PARG: variants seen among roughly 807,000 people sequenced by gnomAD.
PARG encodes the protein mitochondrial poly(ADP-ribose) glycohydrolase.
A neutral mutation model predicts 113.0 loss-of-function variants in PARG; 35 were observed. The observed-to-expected ratio is 0.31, with a 90% CI of 0.24 to 0.41. PARG has a LOEUF of 0.41. PARG is among the 10% of genes least tolerant of loss of function. The pLI, the probability that PARG is intolerant of heterozygous loss-of-function variation, is 1.00. For synonymous variants in PARG, 330 were observed against 409.9 expected, an observed-to-expected ratio of 0.81 and a Z score of 2.36; for missense variants, 797 against 1,169.4, an observed-to-expected ratio of 0.68 and a Z score of 4.64.
At chr10:49,922,203 GCCTT>G in intron 6 of PARG, 129 bp downstream of exon 6, 1 of 844,848 alleles carries the variant, frequency 1.2e-6, no homozygotes, top group Non-Finnish European at 1.8e-6. Context: ...TCTCTAAGGG[GCCTT>G]CCTTAGTGCC....
At chr10:49,908,826 A>G (rs1427812906) in intron 7 of PARG, among the ~76,000 whole-genome samples, 4 of 152,186 alleles carry the variant, frequency 2.6e-5, no homozygotes, top group Non-Finnish European at 5.9e-5. Context: ...GAAGGAGGCC[A>G]CATTCCTTCA....
intron 7 of PARG, among the ~76,000 whole-genome samples, chr10:49,895,816 T>C (rs1423628340): frequency 1.3e-5 from 2 of 152,250 alleles, no homozygotes; most frequent in African/African-American, 4.8e-5. Flanking sequence ...GTCTTCAAGA[T>C]ACTGGTCTTA....
At chr10:49,843,993 A>T (rs1412597984) in intron 13 of PARG, among the ~76,000 whole-genome samples, 2 of 151,960 alleles carry the variant, frequency 1.3e-5, no homozygotes, top group African/African-American at 2.4e-5. Flanking sequence ...AAAAATGTAA[A>T]AATTAGCCAG....
At chr10:49,915,893 A>C in intron 7 of PARG, 24 bp downstream of exon 7, 1 of 1,266,222 alleles carries the variant, frequency 7.9e-7, no homozygotes, top group Non-Finnish European at 1.1e-6. Flanking sequence ...TAATATTTTC[A>C]TAAAGAAATA....
intron 16 of PARG, among the ~76,000 whole-genome samples, chr10:49,829,900 GCATAAATGTAC>G (rs1844571782): frequency 6.6e-6 from 1 of 151,850 alleles, no homozygotes; most frequent in Non-Finnish European, 1.5e-5. Context: ...ATATTTTATT[GCATAAATGTAC>G]CATAATTTCT....
chr10:49,932,342 T>C (rs1554910096), intron 3 of PARG, 59 bp from the exon 4 acceptor site: 10 of 1,013,286 alleles, frequency 9.9e-6, no homozygotes, highest in Non-Finnish European at 1.6e-5. Flanking sequence ...TTCCCTTAGA[T>C]ACACAAGCAC....
chr10:49,819,293 G>A lies in PARG; in HGVS notation c.*47C>T. On this transcript the variant is annotated 3_prime_UTR_variant, in exon 18 of 18. Coordinates refer to ENST00000616448, the MANE Select transcript of PARG (RefSeq NM_003631.5). ...TATATTACACCTGACAGCTCAAACA[G>A]GACGTCTCTGGTGGGAGGTGGGAGG... 6.7e-7 allele frequency: 1 copy of A among 1,483,964 alleles called. No individual in the cohort carries two copies. Among genetic ancestry groups the A allele is most frequent in the Non-Finnish European group, 9.1e-7 (1 of 1,093,698 alleles). The allele number at this position is 1,483,964 out of a possible 1,614,324, so 91.9% of individuals were successfully genotyped here.
chr10:49,899,840 T>C (rs1848268185), intron 7 of PARG, among the ~76,000 whole-genome samples: 2 of 152,172 alleles, frequency 1.3e-5, no homozygotes, highest in African/African-American at 2.4e-5. Context: ...TCCTATGAAT[T>C]TTCAAAGTGT....
At chr10:49,876,942 A>T (rs188486958) in intron 9 of PARG, among the ~76,000 whole-genome samples, 1,443 of 130,640 alleles carry the variant, frequency 0.011, 20 homozygotes, top group African/African-American at 0.036. Flanking sequence ...ATTATATATA[A>T]AAAAAAAAAA....
intron 13 of PARG, among the ~76,000 whole-genome samples, chr10:49,854,983 T>TA (rs1845920316): frequency 7.4e-6 from 1 of 135,474 alleles, no homozygotes. Flanking sequence ...TGGCCCATAC[T>TA]CAAAAAAAAA....
chr10:49,880,364 T>C (rs2132627627), intron 8 of PARG, among the ~76,000 whole-genome samples: 1 of 152,088 alleles, frequency 6.6e-6, no homozygotes, highest in African/African-American at 2.4e-5. Flanking sequence ...AAGCTATTAA[T>C]AGAACATGTA....
Position 49,941,542 on chromosome 10 carries a change from C to T in PARG, c.184G>A (p.Ala62Thr), listed in dbSNP as rs1839070848. The change falls in exon 1 of 18, where the codon GCG (alanine) becomes ACG (threonine). Residue 62 changes from alanine to threonine, a missense_variant. Ala to Thr is a moderately conservative substitution (Grantham distance 58, BLOSUM62 0). Around this residue, in one of 5 missense-constraint regions of PARG, gnomAD observed 284 missense variants for 306.1 expected, o/e 0.93. Transcript: ENST00000616448. Reference protein sequence around the residue: ...PSSPACVPGRAGQHRGSATSL... With the variant: ...PSSPACVPGRTGQHRGSATSL... ...GTGGCGCTGCCTCTGTGCTGTCCCGCCCGCCCTGGGACGCAGGCTGGCGAG... is the reference window on the plus strand; with the variant it reads ...GTGGCGCTGCCTCTGTGCTGTCCCGTCCGCCCTGGGACGCAGGCTGGCGAG... 7.1e-6 allele frequency: 11 copies of T among 1,559,224 alleles called. No homozygotes were observed. Among genetic ancestry groups the T allele is most frequent in the Non-Finnish European group, 9.5e-6 (11 of 1,151,930 alleles).
intron 15 of PARG, 35 bp from the exon 16 acceptor site, chr10:49,832,943 GCCTAGACACTAA>G (rs1554830557): frequency 9.3e-7 from 1 of 1,074,610 alleles, no homozygotes; most frequent in Non-Finnish European, 1.4e-6. Flanking sequence ...GCCTGTGAGT[GCCTAGACACTAA>G]CAGTGTTTCT....
chr10:49,851,923 G>A (rs1845778770), intron 13 of PARG, among the ~76,000 whole-genome samples: 1 of 149,846 alleles, frequency 6.7e-6, no homozygotes, highest in Admixed American at 6.7e-5. Flanking sequence ...CTGTATAAAA[G>A]TATTTGCCTG....
chr10:49,920,334 T>C (rs2377699), intron 6 of PARG, among the ~76,000 whole-genome samples: 150,185 of 150,204 alleles, frequency 1, 75,083 homozygotes, highest in Middle Eastern at 1. Flanking sequence ...CTGTAGTCCC[T>C]GCTACTCAGG....
chr10:49,939,622 T>C (rs1393291356), intron 1 of PARG, among the ~76,000 whole-genome samples: 3 of 152,332 alleles, frequency 2.0e-5, no homozygotes, highest in Admixed American at 6.5e-5. Flanking sequence ...CAGAATAAGG[T>C]TGAAATTCCT....
chr10:49,934,231 C>T lies in PARG; in HGVS notation c.285-68G>A. 4 of 697,646 alleles carry T rather than the reference C, an allele frequency of 5.7e-6. No individual in the cohort carries two copies. In the South Asian group the frequency reaches 7.0e-5, roughly 12 times the overall value. 43.2% of individuals were successfully genotyped at this position (697,646 alleles called of 1,614,324 possible). A position where few individuals can be genotyped will look rare whatever the true frequency, so the allele number is the denominator to read the frequency against. On this transcript the variant is annotated intron_variant, in intron 2 of 17. Transcript: ENST00000616448. ...AAAAGTCACTTATCCAATCATACCCCCAGTGTCACAGCAGTAATTAAACTC... is the reference window on the plus strand; with the variant it reads ...AAAAGTCACTTATCCAATCATACCCTCAGTGTCACAGCAGTAATTAAACTC...
At chr10:49,819,598 G>C (rs906938059) in intron 17 of PARG, 104 bp from the exon 18 acceptor site, 68 of 830,198 alleles carry the variant, frequency 8.2e-5, no homozygotes, top group Non-Finnish European at 1.2e-4. Flanking sequence ...CATATGCTCA[G>C]ACTTGGCTTT....
chr10:49,842,091 G>A, intron 14 of PARG, 33 bp from the exon 15 acceptor site: 1 of 1,393,122 alleles, frequency 7.2e-7, no homozygotes, highest in Non-Finnish European at 9.9e-7. Context: ...GAAAAGATAA[G>A]GAACAGGTAG....
Sources: gnomAD v4.1 joint callset for allele counts (sites outside exome capture counted in the v4.1 genomes callset) on GRCh38, gnomAD v4.1.1 for gene constraint, gnomAD v4.1.1 regional missense constraint, MANE v1.5 for transcripts, NCBI Gene and HGNC (gene_info 2026-07-23, HGNC 2026-07-21) for gene names.